The following TMTC4 variants were observed in gnomAD, a reference collection of about 807,000 sequenced individuals.
TMTC4 encodes the protein transmembrane O-mannosyltransferase targeting cadherins 4.
TMTC4 carries 65 observed loss-of-function variants against 86.0 expected under a neutral mutation model. The ratio of observed to expected loss-of-function variants is 0.76; its 90% confidence interval spans 0.62 to 0.93. TMTC4 has a LOEUF of 0.93. Ranked by LOEUF, TMTC4 falls within the 40% of genes least tolerant of loss-of-function variation. The probability of loss-of-function intolerance (pLI) is 0.00; values close to 1 mark genes in which losing one functional copy is unlikely to be tolerated. For synonymous variants in TMTC4, 379 were observed against 382.5 expected, an observed-to-expected ratio of 0.99 and a Z score of 0.11; for missense variants, 866 against 948.1, an observed-to-expected ratio of 0.91 and a Z score of 1.14.
chr13:100,641,749 A>G (rs1883047565), intron 7 of TMTC4, among the ~76,000 whole-genome samples: 1 of 152,092 alleles, frequency 6.6e-6, no homozygotes, highest in African/African-American at 2.4e-5. Flanking sequence ...GGCCTCCCAA[A>G]GTGCTGGGAT....
intron 15 of TMTC4, among the ~76,000 whole-genome samples, chr13:100,619,559 CTGACTTGTCCTA>C (rs1879168224): frequency 6.6e-6 from 1 of 152,182 alleles, no homozygotes. Context: ...CAAAAACGTT[CTGACTTGTCCTA>C]CGCTACACAG....
At chr13:100,674,290 G>A in intron 1 of TMTC4, 2 of 979,252 alleles carry the variant, frequency 2.0e-6, no homozygotes, top group Non-Finnish European at 2.4e-6. Context: ...CGGCCAAGCG[G>A]CCCGGCTGTG....
At chr13:100,617,338 T>C (rs1878669153) in intron 15 of TMTC4, among the ~76,000 whole-genome samples, 1 of 152,178 alleles carries the variant, frequency 6.6e-6, no homozygotes, top group Admixed American at 6.5e-5. Flanking sequence ...AGTTTTGCCA[T>C]GTTGCCCAGG....
At position 100,623,537 on chromosome 13, in the gene TMTC4, ATTG is replaced by A. The variant is rs1181681270; in HGVS notation, c.1836+1995_1836+1997del. On this transcript the variant is annotated intron_variant, in intron 15 of 18. Coordinates refer to ENST00000342624, the MANE Select transcript of TMTC4 (RefSeq NM_032813.5). Reference sequence around the variant, plus strand: ...TATAAGCCACTGTGCCCAGTTTATTATTGTTATTTTAAAACAGATTCTCTATAG... The same window carrying A: ...TATAAGCCACTGTGCCCAGTTTATTATTATTTTAAAACAGATTCTCTATAG... Among the ~76,000 whole-genome samples, 11 of 148,418 alleles carry A rather than the reference ATTG, an allele frequency of 7.4e-5. No individual in the cohort carries two copies. The South Asian group carries it at 8.8e-4, about 12-fold the overall frequency.
intron 5 of TMTC4, 149 bp from the exon 6 acceptor site, chr13:100,656,617 A>C (rs1175789580): frequency 1.7e-6 from 1 of 578,572 alleles, no homozygotes; most frequent in Admixed American, 3.7e-5. Context: ...ATCTTGGCTC[A>C]CTGTAGCCTC....
chr13:100,611,584 C>T (rs1594228880), intron 17 of TMTC4, among the ~76,000 whole-genome samples: 1 of 150,940 alleles, frequency 6.6e-6, no homozygotes, highest in African/African-American at 2.4e-5. Context: ...GACTCCGTCT[C>T]AAAAAAAACA....
chr13:100,636,272 G>A (rs1882190831), intron 10 of TMTC4, among the ~76,000 whole-genome samples: 1 of 152,114 alleles, frequency 6.6e-6, no homozygotes, highest in Non-Finnish European at 1.5e-5. Context: ...GAAAAGGATC[G>A]CAAAATGCTA....
At chr13:100,623,005 C>G (rs1354803982) in intron 15 of TMTC4, among the ~76,000 whole-genome samples, 1 of 152,152 alleles carries the variant, frequency 6.6e-6, no homozygotes, top group Non-Finnish European at 1.5e-5. Flanking sequence ...CTACCCACTC[C>G]AGAAACAAAG....
intron 7 of TMTC4, among the ~76,000 whole-genome samples, chr13:100,639,817 G>A (rs901668685): frequency 6.6e-6 from 1 of 152,164 alleles, no homozygotes; most frequent in Admixed American, 6.5e-5. Flanking sequence ...GCATGTGCCT[G>A]TAATCCCAGC....
chr13:100,624,357 A>AAAAAT (rs1880100006), intron 15 of TMTC4: 1 of 150,730 alleles, frequency 6.6e-6, no homozygotes, highest in African/African-American at 2.4e-5. Context: ...AAAAAAATAA[A>AAAAAT]AAAAAAATAA....
chr13:100,626,989 C>A (rs996431459), intron 12 of TMTC4, among the ~76,000 whole-genome samples: 6 of 152,192 alleles, frequency 3.9e-5, no homozygotes, highest in African/African-American at 1.4e-4. Flanking sequence ...CCCATGCCCC[C>A]TTTCCGCCAC....
At position 100,668,862 on chromosome 13, in the gene TMTC4, G is replaced by A. The variant is rs943422480; in HGVS notation, c.4-68C>T. 63 of 1,435,548 alleles carry A rather than the reference G, an allele frequency of 4.4e-5. No homozygotes were observed. The Admixed American group carries it at 5.9e-4, about 13-fold the overall frequency. 88.9% of individuals were successfully genotyped at this position (1,435,548 alleles called of 1,614,324 possible). A position where few individuals can be genotyped will look rare whatever the true frequency, so the allele number is the denominator to read the frequency against. On this transcript the variant is annotated intron_variant, in intron 2 of 18. Transcript: ENST00000342624. ...TAGGACCGTTTCTGCAGTGGGCACC[G>A]TGAGTAAGAGCTAGATAGTCATTTA...
At chr13:100,664,388 A>T in intron 3 of TMTC4, 52 bp from the exon 4 acceptor site, 1 of 1,370,712 alleles carries the variant, frequency 7.3e-7, no homozygotes, top group East Asian at 2.6e-5. Flanking sequence ...ATCAGCCCTA[A>T]GCCAAGCTCC....
intron 2 of TMTC4, among the ~76,000 whole-genome samples, chr13:100,669,042 T>A (rs961156989): frequency 2.3e-4 from 35 of 152,174 alleles, no homozygotes; most frequent in African/African-American, 8.2e-4. Flanking sequence ...TGCCAGAATA[T>A]CGTTTAGAAA....
chr13:100,650,063 A>G (rs1360114965), intron 6 of TMTC4, among the ~76,000 whole-genome samples: 1 of 151,830 alleles, frequency 6.6e-6, no homozygotes, highest in African/African-American at 2.4e-5. Context: ...TTAAATACCA[A>G]TGACCCAGGA....
chr13:100,667,332 G>C (rs1170127834), intron 3 of TMTC4, among the ~76,000 whole-genome samples: 1 of 152,094 alleles, frequency 6.6e-6, no homozygotes, highest in Admixed American at 6.5e-5. Context: ...GGGAGGCTGA[G>C]GCAGTAGAAT....
intron 12 of TMTC4, among the ~76,000 whole-genome samples, chr13:100,627,235 G>A (rs367781009): frequency 1.0e-3 from 158 of 152,310 alleles, no homozygotes; most frequent in African/African-American, 3.6e-3. Context: ...AGCTGCGCTC[G>A]CAGGGAACCC....
chr13:100,670,350 C>A lies in TMTC4; in HGVS notation c.3+10G>T. The A allele has an allele frequency of 6.2e-7, 1 of 1,608,838 alleles. No individual in the cohort carries two copies. The highest frequency in any genetic ancestry group is 8.5e-7 in the Non-Finnish European group (1 of 1,177,972). On this transcript the variant is annotated intron_variant, in intron 2 of 18. Coordinates refer to ENST00000342624, the MANE Select transcript of TMTC4 (RefSeq NM_032813.5). ...AGATGGAGACAGATCCAACAGGCAACGGGACACACCATTCCATGGTGATGC... is the reference window on the plus strand; with the variant it reads ...AGATGGAGACAGATCCAACAGGCAAAGGGACACACCATTCCATGGTGATGC...
chr13:100,644,907 C>T (rs984895725), intron 6 of TMTC4, among the ~76,000 whole-genome samples: 20 of 151,988 alleles, frequency 1.3e-4, no homozygotes, highest in African/African-American at 3.9e-4. Context: ...CTCCGCCTCC[C>T]GGGTTCAAGA....
Sources: gnomAD v4.1 joint callset for allele counts (sites outside exome capture counted in the v4.1 genomes callset) on GRCh38, gnomAD v4.1.1 for gene constraint, MANE v1.5 for transcripts, NCBI Gene and HGNC (gene_info 2026-07-23, HGNC 2026-07-21) for gene names.